The following TSPYL2 variants were observed in gnomAD, a reference collection of about 807,000 sequenced individuals.
TSPYL2 encodes TSPY like 2, also known as testis-specific Y-encoded-like protein 2.
In TSPYL2, 9 loss-of-function variants were observed where a neutral mutation model predicts 33.0. The ratio of observed to expected loss-of-function variants is 0.27; its 90% CI spans 0.16 to 0.48. The LOEUF is 0.48. Ranked by LOEUF, TSPYL2 falls within the 20% of genes least tolerant of loss-of-function variation. The pLI, the probability that TSPYL2 is intolerant of heterozygous loss-of-function variation, is 0.99. For synonymous variants in TSPYL2, 330 were observed against 233.6 expected, an observed-to-expected ratio of 1.41 and a Z score of -3.77; for missense variants, 636 against 586.2, an observed-to-expected ratio of 1.08 and a Z score of -0.88.
At position 53,085,959 on chromosome X, in the gene TSPYL2, A is replaced by G. The variant is rs1248917220; in HGVS notation, c.1567A>G (p.Lys523Glu). 3 of 1,202,167 alleles carry G rather than the reference A, an allele frequency of 2.5e-6. No homozygotes were observed. Among genetic ancestry groups the G allele is most frequent in the Admixed American group, 4.5e-5 (2 of 44,127 alleles). The change falls in exon 6 of 7, where the codon AAG (lysine) becomes GAG (glutamate). Residue 523 changes from lysine (K) to glutamate (E), a missense_variant. Lys to Glu is a moderately conservative substitution (Grantham distance 56). This residue lies in a region of TSPYL2 where 401 missense variants were observed against 363.0 expected (regional missense o/e 1.10). Coordinates refer to ENST00000375442, the MANE Select transcript of TSPYL2 (RefSeq NM_022117.4). ...CAACGAGAATCCTGAAGACAATAAC[A>G]AGAACACTGATGACAACGAAGAGAA... is the stretch of plus-strand genomic sequence containing the variant. ...DNNENPEDNN[K>E]NTDDNEENPN...
intron 1 of TSPYL2, among the ~76,000 whole-genome samples, chrX:53,083,602 A>G (rs781992091): frequency 9.2e-6 from 1 of 108,945 alleles, no homozygotes; most frequent in South Asian, 4.1e-4. Context: ...ACAGATGATA[A>G]AAAGGGGGAG....
intron 1 of TSPYL2, 54 bp downstream of exon 1, chrX:53,083,359 A>C: frequency 9.5e-6 from 7 of 734,064 alleles, no homozygotes; most frequent in South Asian, 4.3e-5. Flanking sequence ...GGAAAGGGGA[A>C]GGTGGGGGAG....
chrX:53,086,579 G>T (rs1932768981), intron 6 of TSPYL2: 2 of 397,836 alleles, frequency 5.0e-6, no homozygotes, highest in Admixed American at 8.7e-5. Flanking sequence ...GACAGTGGGT[G>T]GAAAACTGAA....
intron 6 of TSPYL2, chrX:53,086,698 A>G: frequency 4.8e-6 from 1 of 208,838 alleles, no homozygotes. Context: ...TTGGGAGCAG[A>G]GCATGAAGTG....
chrX:53,083,407 G>A, intron 1 of TSPYL2, 102 bp downstream of exon 1: 1 of 815,332 alleles, frequency 1.2e-6, no homozygotes, highest in Non-Finnish European at 1.8e-6. Context: ...AGAGCCAGAG[G>A]TGGGCATGAT....
chrX:53,086,518 G>A, intron 6 of TSPYL2: 4 of 444,980 alleles, frequency 9.0e-6, no homozygotes. Flanking sequence ...AGTTCTAGGT[G>A]ATGGATAGAT....
rs1310806062 is a variant in TSPYL2, at chrX:53,088,465, T to C, written c.*526T>C. The stretch of plus-strand genomic sequence containing the variant: ...GCCATTGCGGTATTCTTTGCGGTAT[T>C]CTTGTCCCCGTCCCCCAGAAGGCTC... On this transcript the variant is annotated 3_prime_UTR_variant, in exon 7 of 7. Transcript: ENST00000375442. The C allele has an allele frequency of 8.7e-6, 1 of 114,793 alleles. No individual in the cohort carries two copies. Among genetic ancestry groups the C allele is most frequent in the Non-Finnish European group, 1.8e-5 (1 of 54,480 alleles). 9.5% of individuals were successfully genotyped at this position (114,793 alleles called of 1,213,427 possible). A position where few individuals can be genotyped will look rare whatever the true frequency, so the allele number is the denominator to read the frequency against.
rs200823725 is a variant in TSPYL2, at chrX:53,082,871, G to C, written c.373G>C (p.Gly125Arg). 6.6e-6 allele frequency: 8 copies of C among 1,208,363 alleles called. No homozygotes were observed. The highest frequency in any genetic ancestry group is 8.9e-6 in the Non-Finnish European group (8 of 894,568). Reference sequence around the variant, plus strand: ...AGCACTCCCCACTCCTGAGGCCTCGGGGGGGAGCCTGGAAATCGATTTTCA... The same window carrying C: ...AGCACTCCCCACTCCTGAGGCCTCGCGGGGGAGCCTGGAAATCGATTTTCA... ...LEALPTPEAS[G>R]GSLEIDFQVV... Residue 125 changes from glycine (G) to arginine (R), a missense_variant, in exon 1 of 7, where the codon GGG becomes CGG. Physicochemically the swap from Gly to Arg is moderately radical, Grantham distance 125. Coordinates refer to ENST00000375442, the MANE Select transcript of TSPYL2 (RefSeq NM_022117.4).
intron 6 of TSPYL2, chrX:53,086,755 T>G: frequency 8.9e-6 from 1 of 111,996 alleles, no homozygotes; most frequent in African/African-American, 4.9e-5. Context: ...CAGTTCTACC[T>G]CAAGAATCGG....
rs1389557275 is a variant in TSPYL2 at position 53,087,867 on chromosome X, C to T, written c.2010C>T (p.Asp670=). The change falls in exon 7 of 7, where the codon GAC becomes GAT. Residue 670 remains aspartate (D), a synonymous_variant. Coordinates refer to ENST00000375442, the MANE Select transcript of TSPYL2 (RefSeq NM_022117.4). ...GGGAAGAAGGGGAAGATTCGGACGA[C>T]TCTGACCTAGAGGATGTGCTTCAGG... ...DVWEEGEDSD[D]SDLEDVLQVP... The T allele has an allele frequency of 8.3e-7, 1 of 1,210,337 alleles. No homozygotes were observed. Among genetic ancestry groups the T allele is most frequent in the African/African-American group, 1.7e-5 (1 of 57,336 alleles).
In TSPYL2 at chrX:53,086,190, G is replaced by A. The variant is rs781824070; in HGVS notation, c.1798G>A (p.Asp600Asn). 7 of 1,210,584 alleles carry A rather than the reference G, an allele frequency of 5.8e-6. No individual in the cohort carries two copies. The highest frequency in any genetic ancestry group is 4.4e-5 in the Admixed American group (2 of 45,930). ...EGDNEGSDDD[D>N]RDIEYYEKVI... ...TGACAATGAAGGCAGCGATGATGAC[G>A]ACAGAGACATTGAGTACTATGAGAA... is the stretch of plus-strand genomic sequence containing the variant. Residue 600 changes from aspartate to asparagine, a missense_variant, in exon 6 of 7, where the codon GAC becomes AAC. Physicochemically the swap from Asp to Asn is conservative, Grantham distance 23 (BLOSUM62 1). Coordinates refer to ENST00000375442, the MANE Select transcript of TSPYL2 (RefSeq NM_022117.4).
In TSPYL2 at chrX:53,082,576, C is replaced by G. The variant is rs1025619221; in HGVS notation, c.78C>G (p.Pro26=). Residue 26 remains proline (P), a synonymous_variant, in exon 1 of 7, where the codon CCC becomes CCG. Coordinates refer to ENST00000375442, the MANE Select transcript of TSPYL2 (RefSeq NM_022117.4). ...SSSESPQRDP[P]PPPPPPPLLR... is the part of the protein sequence containing the mutation. ...CCGAGTCTCCACAGCGCGACCCGCC[C>G]CCGCCGCCGCCGCCGCCGCCGCTCC... 13 of 1,147,106 alleles carry G rather than the reference C, an allele frequency of 1.1e-5. No individual in the cohort carries two copies. Among genetic ancestry groups the G allele is most frequent in the Admixed American group, 5.3e-5 (2 of 37,771 alleles). The allele number at this position is 1,147,106 out of a possible 1,213,427, so 94.5% of individuals were successfully genotyped here.
Position 53,083,224 on chromosome X carries a change from C to G in TSPYL2, c.726C>G (p.Arg242=), listed in dbSNP as rs782787779. The G allele has an allele frequency of 9.1e-6, 11 of 1,211,307 alleles. No individual in the cohort carries two copies. Among genetic ancestry groups the G allele is most frequent in the Non-Finnish European group, 1.1e-5 (10 of 895,399 alleles). The change falls in exon 1 of 7, where the codon CGC becomes CGG. Residue 242 remains arginine, a synonymous_variant. Coordinates refer to ENST00000375442, the MANE Select transcript of TSPYL2 (RefSeq NM_022117.4). The part of the protein sequence containing the change: ...KAGKAFLRLK[R]KFIQMRRPFL... Reference sequence around the variant, plus strand: ...GCAAAGCCTTCCTGCGTCTCAAGCGCAAGTTCATCCAGATGCGAAGACCCT... The same window carrying G: ...GCAAAGCCTTCCTGCGTCTCAAGCGGAAGTTCATCCAGATGCGAAGACCCT...
chrX:53,086,393 G>A, intron 6 of TSPYL2, 83 bp downstream of exon 6: 1 of 950,257 alleles, frequency 1.1e-6, no homozygotes, highest in Non-Finnish European at 1.5e-6. Flanking sequence ...ATCAAGGCAT[G>A]AACACAATCT....
At chrX:53,083,745 C>T (rs1709788689) in intron 1 of TSPYL2, among the ~76,000 whole-genome samples, 1 of 110,658 alleles carries the variant, frequency 9.0e-6, no homozygotes, top group South Asian at 3.8e-4. Context: ...AGAAACTGCC[C>T]AGAAAGGGTG....
At position 53,085,703 on chromosome X, in the gene TSPYL2, C is replaced by T. The variant is rs1932751548; in HGVS notation, c.1311C>T (p.Phe437=). The T allele has an allele frequency of 8.3e-7, 1 of 1,211,820 alleles. No individual in the cohort carries two copies. Among genetic ancestry groups the T allele is most frequent in the Non-Finnish European group, 1.1e-6 (1 of 895,422 alleles). The part of the protein sequence containing the change: ...APDYYAVEDI[F]SEISDIDETI... ...ACTATTATGCAGTGGAAGACATTTT[C>T]AGCGAGATCTCAGACATTGATGAGA... is the stretch of plus-strand genomic sequence containing the variant. Residue 437 remains phenylalanine (F), a synonymous_variant, in exon 6 of 7, where the codon TTC becomes TTT. Coordinates refer to ENST00000375442, the MANE Select transcript of TSPYL2 (RefSeq NM_022117.4).
chrX:53,086,320 TC>T lies in TSPYL2; in HGVS notation c.1918+18del, dbSNP rs34358950. On this transcript the variant is annotated intron_variant, in intron 6 of 6. Transcript: ENST00000375442. ...GAGGGCATTGAGGAAGGTGAGCTAA[TC>T]CCCCCCCACCCTTGTCTTCCCTCTT... 8.6e-6 allele frequency: 10 copies of T among 1,163,435 alleles called. No individual in the cohort carries two copies. Among genetic ancestry groups the T allele is most frequent in the Admixed American group, 4.5e-5 (2 of 44,351 alleles).
chrX:53,087,640 C>G, intron 6 of TSPYL2, 136 bp from the exon 7 acceptor site: 1 of 622,361 alleles, frequency 1.6e-6, no homozygotes, highest in Non-Finnish European at 2.5e-6. Flanking sequence ...CTGTTTGTTC[C>G]AAGCAGAGGC....
intron 6 of TSPYL2, 60 bp downstream of exon 6, chrX:53,086,370 C>T (rs1396351699): frequency 2.8e-6 from 3 of 1,086,203 alleles, no homozygotes; most frequent in Middle Eastern, 2.5e-4. Flanking sequence ...GCAAGCCTGG[C>T]CAAGGACAGG....
Sources: gnomAD v4.1 joint callset for allele counts (sites outside exome capture counted in the v4.1 genomes callset) on GRCh38, gnomAD v4.1.1 for gene constraint, gnomAD v4.1.1 regional missense constraint, MANE v1.5 for transcripts, NCBI Gene and HGNC (gene_info 2026-07-23, HGNC 2026-07-21) for gene names.